Variants in EXTL3 observed in about 807,000 individuals in gnomAD.
EXTL3 encodes the protein exostosin like glycosyltransferase 3.
Under a neutral mutation model 69.3 loss-of-function variants are expected in EXTL3, and 27 were observed. The observed-to-expected ratio is 0.39, with a 90% CI of 0.29 to 0.54. The LOEUF is 0.54. Ranked by LOEUF, EXTL3 falls within the 20% of genes least tolerant of loss-of-function variation. The pLI is 0.69. For synonymous variants in EXTL3, 511 were observed against 499.4 expected (o/e 1.02, Z -0.31); for missense variants, 1,003 against 1,231.8 (o/e 0.81, Z 2.78).
intron 2 of EXTL3, among the ~76,000 whole-genome samples, chr8:28,608,778 C>T (rs1051508131): frequency 3.9e-5 from 6 of 151,934 alleles, no homozygotes; most frequent in Admixed American, 6.6e-5. Flanking sequence ...GTAGGAGGAT[C>T]GCTTGAGCTC....
chr8:28,699,030 C>A (rs896834198), upstream of EXTL3, among the ~76,000 whole-genome samples: 1 of 151,960 alleles, frequency 6.6e-6, no homozygotes, highest in African/African-American at 2.4e-5. Context: ...AAATTAGGCA[C>A]AGTGGAAGGG....
intron 1 of EXTL3, among the ~76,000 whole-genome samples, chr8:28,655,626 G>C (rs931729039): frequency 6.6e-6 from 1 of 151,774 alleles, no homozygotes; most frequent in Non-Finnish European, 1.5e-5. Flanking sequence ...GGAGTAGCTG[G>C]GACCACAGGT....
At chr8:28,675,332 C>A (rs1027393674) in intron 1 of EXTL3, among the ~76,000 whole-genome samples, 9 of 152,144 alleles carry the variant, frequency 5.9e-5, no homozygotes, top group African/African-American at 2.2e-4. Flanking sequence ...ACTCATCGTG[C>A]AACACTTGCT....
chr8:28,726,117 G>A (rs962103083), intron 3 of EXTL3, among the ~76,000 whole-genome samples: 5 of 151,976 alleles, frequency 3.3e-5, no homozygotes, highest in Non-Finnish European at 5.9e-5. Context: ...CACCACGCCC[G>A]GCTAATTTTT....
chr8:28,730,905 T>C (rs1346765345), intron 3 of EXTL3, among the ~76,000 whole-genome samples: 1 of 152,184 alleles, frequency 6.6e-6, no homozygotes, highest in Middle Eastern at 3.2e-3. Context: ...TCTGCCACCT[T>C]GTGTTCTCTT....
chr8:28,709,494 G>A (rs930483833), intron 1 of EXTL3, among the ~76,000 whole-genome samples: 1 of 151,782 alleles, frequency 6.6e-6, no homozygotes, highest in East Asian at 1.9e-4. Flanking sequence ...CTTCCCTGTC[G>A]CGCCTCCTGT....
chr8:28,717,286 G>T lies in EXTL3; in HGVS notation c.1227G>T (p.Pro409=), dbSNP rs240951. 1 of 1,614,046 alleles carries T rather than the reference G, an allele frequency of 6.2e-7. No individual in the cohort carries two copies. The highest frequency in any genetic ancestry group is 1.1e-5 in the South Asian group (1 of 91,076). ...TCKNQPKPSL[P]TEWALCGERE... ...AAAACCAGCCCAAACCCAGCCTGCC[G>T]ACTGAGTGGGCACTGTGTGGAGAGC... is the stretch of plus-strand genomic sequence containing the variant. The change falls in exon 3 of 7, where the codon CCG becomes CCT. Residue 409 remains proline, a synonymous_variant. Transcript: ENST00000220562. This position sits in a 1 kb window ranked among gnomAD's most constrained non-coding sequence, Gnocchi z 8.3.
At chr8:28,685,327 C>T (rs1807559601) in intron 1 of EXTL3, among the ~76,000 whole-genome samples, 1 of 152,082 alleles carries the variant, frequency 6.6e-6, no homozygotes, top group African/African-American at 2.4e-5. Context: ...ATTTAGCTCT[C>T]ATGTTTGTCT....
intron 1 of EXTL3, among the ~76,000 whole-genome samples, chr8:28,669,666 T>C (rs924667325): frequency 6.6e-6 from 1 of 152,204 alleles, no homozygotes; most frequent in Non-Finnish European, 1.5e-5. Context: ...TCACAAATTA[T>C]GGGGACTGTA....
chr8:28,696,569 T>C (rs1800689466), upstream of EXTL3: 1 of 152,204 alleles, frequency 6.6e-6, no homozygotes, highest in Non-Finnish European at 1.5e-5. Context: ...TATACACTTT[T>C]TTTTTTTCGA....
intron 2 of EXTL3, among the ~76,000 whole-genome samples, chr8:28,611,454 TA>T (rs796564430): frequency 3.6e-4 from 54 of 148,544 alleles, no homozygotes; most frequent in African/African-American, 1.2e-3. Flanking sequence ...ACTCTGCTTC[TA>T]AAAAAAAAAC....
chr8:28,714,110 T>C (rs1801091580), intron 2 of EXTL3, among the ~76,000 whole-genome samples: 1 of 152,052 alleles, frequency 6.6e-6, no homozygotes, highest in Non-Finnish European at 1.5e-5. Context: ...TTTGCCATGT[T>C]GGCCAGGCTG....
intron 1 of EXTL3, among the ~76,000 whole-genome samples, chr8:28,690,268 A>C (rs1800592877): frequency 6.6e-6 from 1 of 151,820 alleles, no homozygotes; most frequent in Non-Finnish European, 1.5e-5. Flanking sequence ...GCTGGATTGC[A>C]GTGGCACAAT....
chr8:28,729,751 T>TG (rs774328242), intron 3 of EXTL3, among the ~76,000 whole-genome samples: 14 of 152,024 alleles, frequency 9.2e-5, no homozygotes, highest in Non-Finnish European at 1.6e-4. Flanking sequence ...CTGTAATCCT[T>TG]GCACTTTCGG....
At chr8:28,637,945 C>G (rs1046191238) in intron 1 of EXTL3, among the ~76,000 whole-genome samples, 2 of 152,224 alleles carry the variant, frequency 1.3e-5, no homozygotes, top group African/African-American at 2.4e-5. Context: ...TTCCCTGCTG[C>G]TAAACCCAAT....
chr8:28,678,467 G>T (rs538613901), intron 1 of EXTL3, among the ~76,000 whole-genome samples: 1 of 152,074 alleles, frequency 6.6e-6, no homozygotes, highest in Admixed American at 6.6e-5. Flanking sequence ...GTTTCTGAGA[G>T]AACTGGTGTT....
intron 1 of EXTL3, among the ~76,000 whole-genome samples, chr8:28,662,432 C>T (rs888876633): frequency 5.9e-5 from 9 of 152,034 alleles, no homozygotes; most frequent in Non-Finnish European, 8.8e-5. Flanking sequence ...ACAAATTGGC[C>T]AAAACAACAA....
upstream of EXTL3, among the ~76,000 whole-genome samples, chr8:28,618,557 G>T (rs1203046284): frequency 6.6e-6 from 1 of 152,152 alleles, no homozygotes; most frequent in African/African-American, 2.4e-5. Context: ...CTCACGTCCG[G>T]CACGAAAGAG....
Position 28,668,324 on chromosome 8 carries a change from C to CTTTTTT in EXTL3, c.-52-45113_-52-45108dup, listed in dbSNP as rs71549687. Among the ~76,000 whole-genome samples, 28 of 82,558 alleles carry CTTTTTT rather than the reference C, an allele frequency of 3.4e-4. 1 individual carries two copies. Among genetic ancestry groups the CTTTTTT allele is most frequent in the African/African-American group, 6.9e-4 (13 of 18,772 alleles). 54.2% of individuals were successfully genotyped at this position (82,558 alleles called of 152,430 possible). On this transcript the variant is annotated intron_variant, in intron 1 of 6. Transcript: ENST00000523149. ...GAATACTTTCTTTCCAGAGTTGTTACTTTTTTTTTTTTTTTTTTTTTTTTT... is the reference window on the plus strand; with the variant it reads ...GAATACTTTCTTTCCAGAGTTGTTACTTTTTTTTTTTTTTTTTTTTTTTTTTTTTTT...
Sources: gnomAD v4.1 joint callset for allele counts (sites outside exome capture counted in the v4.1 genomes callset) on GRCh38, gnomAD v4.1.1 for gene constraint, Gnocchi (gnomAD v3.1) non-coding constraint, MANE v1.5 for transcripts, NCBI Gene and HGNC (gene_info 2026-07-23, HGNC 2026-07-21) for gene names.